The following ADK variants were observed in gnomAD, a reference collection of about 807,000 sequenced individuals.
The protein encoded by ADK is N6,N6-dimethyladenosine kinase.
In ADK, 24 loss-of-function variants were observed where a neutral mutation model predicts 44.7. That is an observed-to-expected ratio of 0.54 (90% CI 0.39 to 0.76). The LOEUF (loss-of-function observed/expected upper bound fraction) is 0.76. Among genes scored for constraint, ADK ranks in the 30% least tolerant of loss-of-function variants. The pLI is 0.00. For synonymous variants in ADK, 128 were observed against 142.6 expected, an observed-to-expected ratio of 0.90 and a Z score of 0.73; for missense variants, 321 against 425.1, an observed-to-expected ratio of 0.76 and a Z score of 2.15.
At chr10:74,525,137 C>A in intron 6 of ADK, 119 bp from the exon 7 acceptor site, 1 of 1,007,012 alleles carries the variant, frequency 9.9e-7, no homozygotes, top group Non-Finnish European at 1.5e-6. Context: ...TATTTTCTGC[C>A]TTGCATCTTA....
intron 4 of ADK, among the ~76,000 whole-genome samples, chr10:74,356,311 C>T (rs2131925356): frequency 6.6e-6 from 1 of 152,206 alleles, no homozygotes; most frequent in Admixed American, 6.5e-5. Context: ...AGCCACCGCG[C>T]CCGGCCAATA....
At chr10:74,274,996 C>A (rs565128286) in intron 3 of ADK, among the ~76,000 whole-genome samples, 28 of 151,648 alleles carry the variant, frequency 1.8e-4, no homozygotes, top group African/African-American at 6.5e-4. Context: ...AGAATGTAGA[C>A]AGTTCTTTTG....
At chr10:74,668,090 T>C (rs756915440) in intron 9 of ADK, among the ~76,000 whole-genome samples, 1 of 152,238 alleles carries the variant, frequency 6.6e-6, no homozygotes, top group Non-Finnish European at 1.5e-5. Context: ...AAATGTATTG[T>C]AAATAGTAAT....
At chr10:74,287,960 G>A (rs1488773710) in intron 3 of ADK, among the ~76,000 whole-genome samples, 1 of 145,998 alleles carries the variant, frequency 6.8e-6, no homozygotes, top group Non-Finnish European at 1.5e-5. Context: ...CCTGCCTGGG[G>A]CGATGTACTG....
At chr10:74,700,927 C>CT (rs566181469) in intron 10 of ADK, among the ~76,000 whole-genome samples, 8 of 152,178 alleles carry the variant, frequency 5.3e-5, no homozygotes, top group Non-Finnish European at 1.0e-4. Flanking sequence ...TATTTCCAAT[C>CT]TTTTCTTAAG....
intron 10 of ADK, among the ~76,000 whole-genome samples, chr10:74,676,376 TGCCTCA>T (rs1463086857): frequency 6.6e-6 from 1 of 152,218 alleles, no homozygotes; most frequent in Non-Finnish European, 1.5e-5. Context: ...GTGATCCACC[TGCCTCA>T]GCCTCCCAAA....
intron 10 of ADK, among the ~76,000 whole-genome samples, chr10:74,676,002 A>G (rs1201302232): frequency 6.6e-6 from 1 of 151,838 alleles, no homozygotes; most frequent in Non-Finnish European, 1.5e-5. Context: ...ACTCTCAGAT[A>G]AAAGACTAGA....
intron 7 of ADK, among the ~76,000 whole-genome samples, chr10:74,575,687 G>T (rs1048879233): frequency 2.6e-5 from 4 of 152,150 alleles, no homozygotes; most frequent in African/African-American, 9.7e-5. Context: ...GTAGGGGCAG[G>T]TTACGAAGGA....
At chr10:74,242,755 C>T (rs1483045091) in intron 3 of ADK, among the ~76,000 whole-genome samples, 1 of 152,212 alleles carries the variant, frequency 6.6e-6, no homozygotes, top group African/African-American at 2.4e-5. Flanking sequence ...TGGCCTGCCC[C>T]ACCCGCATCC....
intron 3 of ADK, among the ~76,000 whole-genome samples, chr10:74,267,464 AT>A (rs762575560): frequency 2.7e-5 from 4 of 150,828 alleles, no homozygotes; most frequent in Non-Finnish European, 4.4e-5. Context: ...TTCCTGTTAC[AT>A]TTTTTTTTAA....
At chr10:74,261,434 G>GAAGGAGTAA (rs1846035779) in intron 3 of ADK, among the ~76,000 whole-genome samples, 1 of 152,028 alleles carries the variant, frequency 6.6e-6, no homozygotes, top group Admixed American at 6.6e-5. Context: ...CTCTGATCCT[G>GAAGGAGTAA]GGACTTCCCT....
intron 3 of ADK, among the ~76,000 whole-genome samples, chr10:74,253,376 G>C (rs1316342656): frequency 6.6e-6 from 1 of 152,310 alleles, no homozygotes; most frequent in East Asian, 1.9e-4. Flanking sequence ...GCCATGGAAA[G>C]TGGTGGTAAC....
At chr10:74,297,528 T>G (rs1839860495) in intron 3 of ADK, among the ~76,000 whole-genome samples, 1 of 152,236 alleles carries the variant, frequency 6.6e-6, no homozygotes, top group Non-Finnish European at 1.5e-5. Context: ...AGTAGATAGG[T>G]ATAATACTCA....
intron 3 of ADK, among the ~76,000 whole-genome samples, chr10:74,290,242 C>T (rs1474900280): frequency 1.3e-5 from 2 of 152,054 alleles, no homozygotes; most frequent in Non-Finnish European, 2.9e-5. Flanking sequence ...TCTTTATACT[C>T]TTCCTGTTTT....
intron 6 of ADK, among the ~76,000 whole-genome samples, chr10:74,414,542 C>A (rs1844300383): frequency 6.6e-6 from 1 of 152,086 alleles, no homozygotes; most frequent in Admixed American, 6.6e-5. Flanking sequence ...TGGAGACCAG[C>A]CTGGCCAACA....
At chr10:74,280,447 C>CACACAA (rs1554837542) in intron 3 of ADK, among the ~76,000 whole-genome samples, 2 of 151,942 alleles carry the variant, frequency 1.3e-5, no homozygotes, top group East Asian at 3.9e-4. Flanking sequence ...CACACACACA[C>CACACAA]GTTTTTTAGA....
chr10:74,505,515 C>A (rs991352718), intron 6 of ADK, among the ~76,000 whole-genome samples: 8 of 147,794 alleles, frequency 5.4e-5, no homozygotes, highest in East Asian at 2.0e-4. Flanking sequence ...AACTTCCCCC[C>A]ACTTTTTTTT....
At chr10:74,673,943 G>A (rs1036110579) in intron 10 of ADK, among the ~76,000 whole-genome samples, 6 of 152,118 alleles carry the variant, frequency 3.9e-5, no homozygotes, top group South Asian at 2.1e-4. Flanking sequence ...GCTTCTCTCC[G>A]ATGTCCAACC....
intron 2 of ADK, among the ~76,000 whole-genome samples, chr10:74,208,115 G>A (rs1843669768): frequency 6.6e-6 from 1 of 152,266 alleles, no homozygotes. Context: ...AGCAGGTGCT[G>A]GGATCGAGGA....
Sources: gnomAD v4.1 joint callset for allele counts (sites outside exome capture counted in the v4.1 genomes callset) on GRCh38, gnomAD v4.1.1 for gene constraint, MANE v1.5 for transcripts, NCBI Gene and HGNC (gene_info 2026-07-23, HGNC 2026-07-21) for gene names.